HECTD2: variants seen among roughly 807,000 people sequenced by gnomAD.
The protein encoded by HECTD2 is probable E3 ubiquitin-protein ligase HECTD2.
Under a neutral mutation model 103.2 loss-of-function variants are expected in HECTD2, and 35 were observed. The ratio of observed to expected loss-of-function variants is 0.34; its 90% CI spans 0.26 to 0.45. HECTD2 has a LOEUF of 0.45. HECTD2 is among the 20% of genes least tolerant of loss of function. HECTD2 has a pLI of 1.00. For missense variants in HECTD2, 596 were observed against 937.4 expected, an observed-to-expected ratio of 0.64 and a Z score of 4.76; for synonymous variants, 281 against 329.9, an observed-to-expected ratio of 0.85 and a Z score of 1.61.
chr10:91,466,731 AAAATT>A (rs1250055939), intron 5 of HECTD2, among the ~76,000 whole-genome samples: 5 of 152,212 alleles, frequency 3.3e-5, no homozygotes, highest in African/African-American at 4.8e-5. Context: ...ACAACAGCCA[AAAATT>A]AATTACCAAA....
At chr10:91,503,428 C>T (rs1269530522) in intron 20 of HECTD2, among the ~76,000 whole-genome samples, 3 of 152,202 alleles carry the variant, frequency 2.0e-5, no homozygotes, top group African/African-American at 4.8e-5. Flanking sequence ...GCACACCGTG[C>T]GCGAGCCGAA....
In HECTD2 at chr10:91,478,280, T is replaced by A; in HGVS notation, c.665+15T>A. 6.7e-7 allele frequency: 1 copy of A among 1,484,216 alleles called. No individual in the cohort carries two copies. The highest frequency in any genetic ancestry group is 9.4e-7 in the Non-Finnish European group (1 of 1,061,836). The allele number at this position is 1,484,216 out of a possible 1,614,324, so 91.9% of individuals were successfully genotyped here. On this transcript the variant is annotated intron_variant, in intron 6 of 20. Coordinates refer to ENST00000298068, the MANE Select transcript of HECTD2 (RefSeq NM_182765.6). Reference sequence around the variant, plus strand: ...GAATGGAAAGGGTAAACTAATATTTTCAATATTTAGCTAATCAGTATAGAT... The same window carrying A: ...GAATGGAAAGGGTAAACTAATATTTACAATATTTAGCTAATCAGTATAGAT...
Position 91,496,319 on chromosome 10 carries a change from A to G in HECTD2, c.1627A>G (p.Ile543Val). 2 of 1,612,272 alleles carry G rather than the reference A, an allele frequency of 1.2e-6. No individual in the cohort carries two copies. The highest frequency in any genetic ancestry group is 1.7e-6 in the Non-Finnish European group (2 of 1,178,470). ...SPPIIPSDQN[I>V]PVGICNVTVD... Reference sequence around the variant, plus strand: ...TCCCATCATTCCTAGTGATCAAAATATACCAGTAGGCATCTGCAATGTTAC... The same window carrying G: ...TCCCATCATTCCTAGTGATCAAAATGTACCAGTAGGCATCTGCAATGTTAC... The change falls in exon 15 of 21, where the codon ATA (isoleucine) becomes GTA (valine). Residue 543 changes from isoleucine (I) to valine (V), a missense_variant. Physicochemically the swap from Ile to Val is conservative, Grantham distance 29 (BLOSUM62 3). Around this residue, in one of 4 missense-constraint regions of HECTD2, gnomAD observed 303 missense variants for 522.5 expected, o/e 0.58. Transcript: ENST00000298068.
intron 20 of HECTD2, among the ~76,000 whole-genome samples, chr10:91,504,246 C>A (rs1231404631): frequency 6.6e-6 from 1 of 152,224 alleles, no homozygotes. Context: ...GAACGCAGCT[C>A]CTCACCAGCA....
chr10:91,415,428 T>C (rs1843087946), intron 1 of HECTD2, among the ~76,000 whole-genome samples: 1 of 152,244 alleles, frequency 6.6e-6, no homozygotes, highest in Non-Finnish European at 1.5e-5. Flanking sequence ...TAGCTACTTA[T>C]TGAGTGCCTA....
chr10:91,427,628 T>C (rs1843626141), intron 2 of HECTD2, among the ~76,000 whole-genome samples: 1 of 152,236 alleles, frequency 6.6e-6, no homozygotes, highest in African/African-American at 2.4e-5. Flanking sequence ...ATGTGTTTTT[T>C]GGCAGCATAA....
intron 1 of HECTD2, among the ~76,000 whole-genome samples, chr10:91,414,797 C>T (rs951757243): frequency 7.2e-5 from 11 of 152,170 alleles, no homozygotes; most frequent in Admixed American, 5.9e-4. Context: ...AAAGCGAGCC[C>T]AGTGGAAGCA....
intron 2 of HECTD2, among the ~76,000 whole-genome samples, chr10:91,431,553 A>G (rs1342109407): frequency 2.5e-4 from 38 of 152,166 alleles, no homozygotes; most frequent in Non-Finnish European, 5.9e-5. Context: ...ACATCGTCCC[A>G]TATTTCTTGG....
intron 1 of HECTD2, among the ~76,000 whole-genome samples, chr10:91,423,358 G>A (rs1324411012): frequency 1.3e-5 from 2 of 152,082 alleles, no homozygotes; most frequent in East Asian, 3.9e-4. Context: ...TATTAAAGTA[G>A]GTACTGTAGT....
At chr10:91,484,023 G>A (rs1033427378) in intron 8 of HECTD2, 2 of 246,964 alleles carry the variant, frequency 8.1e-6, no homozygotes, top group Non-Finnish European at 1.5e-5. Context: ...GCACCAAAAT[G>A]TGAAAAACAT....
intron 5 of HECTD2, among the ~76,000 whole-genome samples, chr10:91,474,715 A>T (rs901170494): frequency 3.3e-5 from 5 of 152,218 alleles, no homozygotes; most frequent in African/African-American, 4.8e-5. Context: ...TCTAATTTCT[A>T]TTGGGGGCAG....
At chr10:91,489,261 G>C (rs1377029257) in intron 11 of HECTD2, 1 of 152,134 alleles carries the variant, frequency 6.6e-6, no homozygotes, top group Non-Finnish European at 1.5e-5. Context: ...GACATTGAGA[G>C]CTAAGTGGCA....
chr10:91,503,367 G>C (rs890345830), intron 20 of HECTD2, among the ~76,000 whole-genome samples: 4 of 152,294 alleles, frequency 2.6e-5, no homozygotes, highest in Middle Eastern at 3.4e-3. Context: ...CTGAGGTACC[G>C]GGTTCATCTC....
chr10:91,416,702 G>T (rs754995952), intron 1 of HECTD2, among the ~76,000 whole-genome samples: 1 of 152,216 alleles, frequency 6.6e-6, no homozygotes, highest in Admixed American at 6.5e-5. Context: ...AAAGCTGTTT[G>T]TAAGCCAGCC....
At chr10:91,437,693 T>C (rs1439431023) in intron 2 of HECTD2, among the ~76,000 whole-genome samples, 1 of 150,968 alleles carries the variant, frequency 6.6e-6, no homozygotes, top group African/African-American at 2.4e-5. Context: ...GTGTTTAAGG[T>C]AGAAATTCAT....
chr10:91,482,117 G>T (rs1466118385), intron 7 of HECTD2, among the ~76,000 whole-genome samples: 2 of 151,762 alleles, frequency 1.3e-5, no homozygotes, highest in African/African-American at 4.8e-5. Flanking sequence ...TGAGTATATT[G>T]GTCAGCCATA....
At chr10:91,472,169 C>T (rs1845752217) in intron 5 of HECTD2, among the ~76,000 whole-genome samples, 1 of 152,104 alleles carries the variant, frequency 6.6e-6, no homozygotes, top group Admixed American at 6.5e-5. Flanking sequence ...CACCCATAAC[C>T]ATCTGATCTT....
intron 2 of HECTD2, among the ~76,000 whole-genome samples, chr10:91,429,948 C>G (rs554506125): frequency 2.0e-5 from 3 of 152,210 alleles, no homozygotes; most frequent in East Asian, 3.9e-4. Flanking sequence ...TCTTGTTTTT[C>G]TAGTTCTTTT....
chr10:91,461,508 ATAT>A, intron 4 of HECTD2, 152 bp downstream of exon 4: 1 of 358,376 alleles, frequency 2.8e-6, no homozygotes, highest in South Asian at 7.1e-5. Flanking sequence ...CAATTATGTA[ATAT>A]TATAAATATT....
Sources: allele counts gnomAD v4.1 joint callset (sites outside exome capture counted in the v4.1 genomes callset), GRCh38; gene constraint gnomAD v4.1.1; regional missense constraint gnomAD v4.1.1; transcripts MANE v1.5; gene names NCBI Gene and HGNC (gene_info 2026-07-23, HGNC 2026-07-21).